Variants in DPYSL2 observed in about 807,000 individuals in gnomAD.
DPYSL2 encodes the protein dihydropyrimidinase-related protein 2.
A neutral mutation model predicts 69.9 loss-of-function variants in DPYSL2; 13 were observed. That is an observed-to-expected ratio of 0.19 (90% confidence interval 0.12 to 0.30). The LOEUF is 0.30. DPYSL2 is among the 10% of genes least tolerant of loss of function. DPYSL2 has a pLI of 1.00. For missense variants in DPYSL2, 587 were observed against 918.9 expected (o/e 0.64, Z 4.67); for synonymous variants, 326 against 359.1 (o/e 0.91, Z 1.04).
In DPYSL2 at chr8:26,655,874, G is replaced by A. The variant is rs1403321327; in HGVS notation, c.*168G>A. On this transcript the variant is annotated 3_prime_UTR_variant, in exon 14 of 14. Transcript: ENST00000521913. ...GGTCCCCCTTGGGGCCCCACACCCC[G>A]TCTCTCACCAAGAGTTACTGATTTT... 5.0e-5 allele frequency: 26 copies of A among 524,478 alleles called. No homozygotes were observed. The highest frequency in any genetic ancestry group is 7.8e-5 in the African/African-American group (4 of 51,216). The allele number at this position is 524,478 out of a possible 1,614,324, so 32.5% of individuals were successfully genotyped here. A position where few individuals can be genotyped will look rare whatever the true frequency, so the allele number is the denominator to read the frequency against.
intron 7 of DPYSL2, among the ~76,000 whole-genome samples, chr8:26,629,247 TACACATAGTAAC>T (rs1802683581): frequency 6.6e-6 from 1 of 151,892 alleles, no homozygotes; most frequent in Non-Finnish European, 1.5e-5. Flanking sequence ...CACACATGCA[TACACATAGTAAC>T]ACACACAGAC....
rs923502825 is a variant in DPYSL2 at position 26,585,841 on chromosome 8, A to G, written c.628+1858A>G. On this transcript the variant is annotated intron_variant, in intron 3 of 13. Transcript: ENST00000521913. This position sits in a 1 kb window ranked among gnomAD's most constrained non-coding sequence, Gnocchi z 4.0. The stretch of plus-strand genomic sequence containing the variant: ...AACAATATTTCTCTGGCTGGGCACC[A>G]TGGTTCATGCCTGTAATTCCAGCAC... 5.9e-5 allele frequency among the ~76,000 whole-genome samples: 9 copies of G among 152,214 alleles called. No homozygotes were observed. Among genetic ancestry groups the G allele is most frequent in the Admixed American group, 5.2e-4 (8 of 15,286 alleles).
At chr8:26,625,657 T>G (rs750842909) in intron 4 of DPYSL2, among the ~76,000 whole-genome samples, 1 of 152,198 alleles carries the variant, frequency 6.6e-6, no homozygotes, top group Non-Finnish European at 1.5e-5. Context: ...GACCTTTTCT[T>G]ACTTAAAAAA....
intron 1 of DPYSL2, among the ~76,000 whole-genome samples, chr8:26,573,959 A>T (rs1801284515): frequency 6.6e-6 from 1 of 151,574 alleles, no homozygotes; most frequent in Admixed American, 6.6e-5. Context: ...CGTCATAGCA[A>T]TGATGGCACT....
intron 1 of DPYSL2, among the ~76,000 whole-genome samples, chr8:26,535,633 A>ATTT (rs1408347228): frequency 7.3e-5 from 11 of 149,984 alleles, no homozygotes; most frequent in African/African-American, 2.2e-4. Flanking sequence ...ATATATATAT[A>ATTT]TATTTTTTTT....
chr8:26,652,494 C>G lies in DPYSL2; in HGVS notation c.1776+58C>G, dbSNP rs937216389. On this transcript the variant is annotated intron_variant, in intron 12 of 13. Coordinates refer to ENST00000521913, the MANE Select transcript of DPYSL2 (RefSeq NM_001197293.3). This position sits in a 1 kb window ranked among gnomAD's most constrained non-coding sequence, Gnocchi z 6.3. Reference sequence around the variant, plus strand: ...AAATCACGAATTAAGTTCAAGGCCACAAACATTTATTAAGCACCTTGAGAC... The same window carrying G: ...AAATCACGAATTAAGTTCAAGGCCAGAAACATTTATTAAGCACCTTGAGAC... 1 of 1,520,448 alleles carries G rather than the reference C, an allele frequency of 6.6e-7. No individual in the cohort carries two copies. Among genetic ancestry groups the G allele is most frequent in the Admixed American group, 1.9e-5 (1 of 53,776 alleles). The allele number at this position is 1,520,448 out of a possible 1,614,324, so 94.2% of individuals were successfully genotyped here.
chr8:26,591,191 C>T lies in DPYSL2; in HGVS notation c.628+7208C>T, dbSNP rs78824062. On this transcript the variant is annotated intron_variant, in intron 3 of 13. Transcript: ENST00000521913. This position sits in a 1 kb window ranked among gnomAD's most constrained non-coding sequence, Gnocchi z 5.8. The stretch of plus-strand genomic sequence containing the variant: ...CACTGGGGGTTTCCCAGAGCCTAGA[C>T]TCTGACTTGCCCTAAAGCTGGGTCA... 8.2e-3 allele frequency among the ~76,000 whole-genome samples: 1,249 copies of T among 152,318 alleles called. 10 individuals are homozygous for T. The highest frequency in any genetic ancestry group is 0.013 in the Non-Finnish European group (856 of 68,032).
At chr8:26,531,820 T>C (rs567698407) in intron 1 of DPYSL2, among the ~76,000 whole-genome samples, 1 of 150,810 alleles carries the variant, frequency 6.6e-6, no homozygotes, top group Non-Finnish European at 1.5e-5. Context: ...GGATGAAACC[T>C]GAAAGGACAC....
intron 3 of DPYSL2, among the ~76,000 whole-genome samples, chr8:26,589,244 G>A (rs1801669041): frequency 6.6e-6 from 1 of 152,230 alleles, no homozygotes. Context: ...CAGCCTGGGT[G>A]CTTCCCATTC....
intron 1 of DPYSL2, among the ~76,000 whole-genome samples, chr8:26,573,666 C>CA (rs11437407): frequency 0.5 from 47,073 of 94,874 alleles, 12,249 homozygotes; most frequent in Non-Finnish European, 0.6. Flanking sequence ...AAGACTGTCT[C>CA]AAAAAAAAAA....
chr8:26,572,201 C>CAGAAGCAGAA (rs1320027981), intron 1 of DPYSL2, among the ~76,000 whole-genome samples: 1 of 152,194 alleles, frequency 6.6e-6, no homozygotes, highest in Non-Finnish European at 1.5e-5. Flanking sequence ...CAGGGCGCCA[C>CAGAAGCAGAA]AGAAGCAGAA....
rs543477059 is a variant in DPYSL2, at chr8:26,550,531, A to G, written c.355-31438A>G. The stretch of plus-strand genomic sequence containing the variant: ...ATTAAAGCAAAATAGATGTAACTAT[A>G]TGCTGTGTACAAGAAACCCACCCTA... On this transcript the variant is annotated intron_variant, in intron 1 of 13. Transcript: ENST00000521913. 1.1e-3 allele frequency among the ~76,000 whole-genome samples: 161 copies of G among 151,886 alleles called. 1 individual carries two copies. Among genetic ancestry groups the G allele is most frequent in the African/African-American group, 3.6e-3 (150 of 41,308 alleles).
intron 3 of DPYSL2, among the ~76,000 whole-genome samples, chr8:26,616,651 G>T (rs1458096570): frequency 1.3e-5 from 2 of 152,212 alleles, no homozygotes; most frequent in African/African-American, 4.8e-5. Flanking sequence ...GACAACAGGA[G>T]TTTTAGCATC....
chr8:26,521,076 A>C (rs1188851228), intron 1 of DPYSL2, among the ~76,000 whole-genome samples: 1 of 152,190 alleles, frequency 6.6e-6, no homozygotes, highest in African/African-American at 2.4e-5. Flanking sequence ...AACAATCATG[A>C]AATACAAGCA....
In DPYSL2 at chr8:26,587,421, T is replaced by C. The variant is rs1293525840; in HGVS notation, c.628+3438T>C. ...TGGCCTTCTCCAGACCATGTCACCA[T>C]GTCACCTGCCCTCACGGGTAAATCC... On this transcript the variant is annotated intron_variant, in intron 3 of 13. Coordinates refer to ENST00000521913, the MANE Select transcript of DPYSL2 (RefSeq NM_001197293.3). This position sits in a 1 kb window ranked among gnomAD's most constrained non-coding sequence, Gnocchi z 4.2. Among the ~76,000 whole-genome samples the C allele has an allele frequency of 6.6e-6, 1 of 152,168 alleles. No homozygotes were observed. Among genetic ancestry groups the C allele is most frequent in the Non-Finnish European group, 1.5e-5 (1 of 68,034 alleles).
intron 3 of DPYSL2, among the ~76,000 whole-genome samples, chr8:26,616,231 CA>C (rs1040710916): frequency 5.3e-5 from 8 of 152,252 alleles, no homozygotes; most frequent in African/African-American, 1.9e-4. Context: ...TTCTCAGGGG[CA>C]GGTGCTTTCT....
chr8:26,612,152 G>A (rs1802244109), intron 3 of DPYSL2, among the ~76,000 whole-genome samples: 1 of 152,228 alleles, frequency 6.6e-6, no homozygotes, highest in South Asian at 2.1e-4. Context: ...GCCTGGTAGA[G>A]TGAAAAGAGC....
At chr8:26,629,359 C>CTT (rs140279850) in intron 7 of DPYSL2, among the ~76,000 whole-genome samples, 1 of 126,212 alleles carries the variant, frequency 7.9e-6, no homozygotes. Context: ...GACACAGACA[C>CTT]AGACATACAC....
Position 26,647,611 on chromosome 8 carries a change from C to T in DPYSL2, c.1426-19C>T. 6.2e-7 allele frequency: 1 copy of T among 1,606,122 alleles called. No individual in the cohort carries two copies. The highest frequency in any genetic ancestry group is 8.5e-7 in the Non-Finnish European group (1 of 1,176,794). ...TTCTGCTGTGTGCCTCCTGTGCACACCTATGCTGTCTCCCTCAGGTCACTG... is the reference window on the plus strand; with the variant it reads ...TTCTGCTGTGTGCCTCCTGTGCACATCTATGCTGTCTCCCTCAGGTCACTG... On this transcript the variant is annotated intron_variant, in intron 10 of 13. Coordinates refer to ENST00000521913, the MANE Select transcript of DPYSL2 (RefSeq NM_001197293.3). The surrounding 1 kb of genome is among the most constrained non-coding windows in gnomAD (Gnocchi z 5.1).
Sources: gnomAD v4.1 joint callset for allele counts (sites outside exome capture counted in the v4.1 genomes callset) on GRCh38, gnomAD v4.1.1 for gene constraint, Gnocchi (gnomAD v3.1) non-coding constraint, MANE v1.5 for transcripts, NCBI Gene and HGNC (gene_info 2026-07-23, HGNC 2026-07-21) for gene names.